ROBO4: variants seen among roughly 807,000 people sequenced by gnomAD.
ROBO4 encodes the protein roundabout homolog 4.
A neutral mutation model predicts 103.3 loss-of-function variants in ROBO4; 80 were observed. The ratio of observed to expected loss-of-function variants is 0.77; its 90% CI spans 0.65 to 0.93. The LOEUF is 0.93. Ranked by LOEUF, ROBO4 falls within the 40% of genes least tolerant of loss-of-function variation. The pLI is 0.00. For synonymous variants in ROBO4, 504 were observed against 529.7 expected (o/e 0.95, Z 0.67); for missense variants, 1,333 against 1,305.3 (o/e 1.02, Z -0.33).
rs1269258979 is a variant in ROBO4, at chr11:124,897,739, G to A, written c.57C>T (p.Leu19=). ...LGGRGSLPLL[L]LLIMGGMAQD... ...AGAGCAACTCACCCATGATGAGCAGGAGCAGCAGAGGCAGGGAACCCCTGC... is the reference window on the plus strand; with the variant it reads ...AGAGCAACTCACCCATGATGAGCAGAAGCAGCAGAGGCAGGGAACCCCTGC... The change falls in exon 1 of 18, where the codon CTC becomes CTT. Residue 19 remains leucine, a synonymous_variant. Transcript: ENST00000306534. 6.2e-7 allele frequency: 1 copy of A among 1,614,046 alleles called. No homozygotes were observed. Among genetic ancestry groups the A allele is most frequent in the Non-Finnish European group, 8.5e-7 (1 of 1,179,972 alleles).
At chr11:124,897,287 A>G in intron 1 of ROBO4, 26 bp from the exon 2 acceptor site, 1 of 1,411,914 alleles carries the variant, frequency 7.1e-7, no homozygotes, top group Non-Finnish European at 9.3e-7. Flanking sequence ...AGCAGAGCCC[A>G]GTCTGATCAC....
In ROBO4 at chr11:124,896,951, G is replaced by A. The variant is rs780079566; in HGVS notation, c.381C>T (p.Gly127=). 2.5e-5 allele frequency: 41 copies of A among 1,612,974 alleles called. No homozygotes were observed. In the Admixed American group the frequency reaches 3.5e-4, roughly 14 times the overall value. Residue 127 remains glycine (G), a synonymous_variant, in exon 2 of 18, where the codon GGC becomes GGT. Coordinates refer to ENST00000306534, the MANE Select transcript of ROBO4 (RefSeq NM_019055.6). ...SNRLGTAVSR[G]ARLSVAVLRE... is the part of the protein sequence containing the mutation. ...CCTCACCAGCCACAGACAGCCGAGCGCCTCTGCTGACTGCCGTGCCAAGCC... is the reference window on the plus strand; with the variant it reads ...CCTCACCAGCCACAGACAGCCGAGCACCTCTGCTGACTGCCGTGCCAAGCC...
intron 2 of ROBO4, 97 bp from the exon 3 acceptor site, chr11:124,896,767 C>T: frequency 6.6e-7 from 1 of 1,518,980 alleles, no homozygotes. Context: ...CCTTCCTGGC[C>T]TCCCATTTAG....
At chr11:124,892,664 G>C (rs545745690) in intron 10 of ROBO4, 1 of 153,706 alleles carries the variant, frequency 6.5e-6, no homozygotes, top group African/African-American at 2.4e-5. Flanking sequence ...CTGCTTCTGC[G>C]TGGCCAATAC....
At position 124,897,015 on chromosome 11, in the gene ROBO4, G is replaced by T. The variant is rs760400506; in HGVS notation, c.317C>A (p.Ser106Tyr). The T allele has an allele frequency of 6.2e-7, 1 of 1,614,110 alleles. No individual in the cohort carries two copies. The highest frequency in any genetic ancestry group is 1.1e-5 in the South Asian group (1 of 91,058). Residue 106 changes from serine (S) to tyrosine (Y), a missense_variant, in exon 2 of 18, where the codon TCC (serine) becomes TAC (tyrosine). Physicochemically the swap from Ser to Tyr is moderately radical, Grantham distance 144. Transcript: ENST00000306534. Reference protein sequence around the residue: ...RGHAHDGQALSTDLGVYTCEA... With the variant: ...RGHAHDGQALYTDLGVYTCEA... Reference sequence around the variant, plus strand: ...ACATGTGTAGACACCCAGGTCTGTGGACAGGGCCTGGCCATCGTGGGCATG... The same window carrying T: ...ACATGTGTAGACACCCAGGTCTGTGTACAGGGCCTGGCCATCGTGGGCATG...
chr11:124,896,016 C>T, intron 4 of ROBO4, 104 bp from the exon 5 acceptor site: 1 of 1,554,216 alleles, frequency 6.4e-7, no homozygotes, highest in Non-Finnish European at 8.7e-7. Context: ...ACCCAAACTC[C>T]CAGAGTCTCC....
chr11:124,893,826 C>T (rs1348215758), intron 9 of ROBO4, 34 bp downstream of exon 9: 3 of 1,612,794 alleles, frequency 1.9e-6, no homozygotes, highest in East Asian at 2.2e-5. Flanking sequence ...GCTGAGGAGG[C>T]CTGTATACAT....
At position 124,892,293 on chromosome 11, in the gene ROBO4, C is replaced by T. The variant is rs1946812383; in HGVS notation, c.1548-491G>A. Reference sequence around the variant, plus strand: ...CAGCTGGCAGAGCAGGAGCTTGCTCCATGGATATTGGCCTCTGGCTGCCTG... The same window carrying T: ...CAGCTGGCAGAGCAGGAGCTTGCTCTATGGATATTGGCCTCTGGCTGCCTG... On this transcript the variant is annotated intron_variant, in intron 10 of 17. Coordinates refer to ENST00000306534, the MANE Select transcript of ROBO4 (RefSeq NM_019055.6). 2.1e-5 allele frequency: 7 copies of T among 334,580 alleles called. No individual in the cohort carries two copies. The Admixed American group carries it at 2.8e-4, about 13-fold the overall frequency. 20.7% of individuals were successfully genotyped at this position (334,580 alleles called of 1,614,324 possible).
rs902803325 is a variant in ROBO4 at position 124,887,578 on chromosome 11, G to A, written c.2057-79C>T. The A allele has an allele frequency of 4.4e-6, 7 of 1,582,522 alleles. No individual in the cohort carries two copies. In the South Asian group the frequency reaches 4.6e-5, roughly 10 times the overall value. On this transcript the variant is annotated intron_variant, in intron 13 of 17. Transcript: ENST00000306534. Reference sequence around the variant, plus strand: ...GCTCAGCCTGCCGGCCTGCCCACCAGCCCCCTTAGCTACCTGTCCACTACT... The same window carrying A: ...GCTCAGCCTGCCGGCCTGCCCACCAACCCCCTTAGCTACCTGTCCACTACT...
intron 12 of ROBO4, among the ~76,000 whole-genome samples, chr11:124,889,005 A>G (rs1251839099): frequency 6.6e-6 from 1 of 152,188 alleles, no homozygotes; most frequent in Non-Finnish European, 1.5e-5. Flanking sequence ...AGTCAGTCAC[A>G]TATCAGAGAT....
In ROBO4 at chr11:124,894,700, G is replaced by T. The variant is rs1199210632; in HGVS notation, c.1150-331C>A. Among the ~76,000 whole-genome samples the T allele has an allele frequency of 2.0e-5, 3 of 152,232 alleles. No homozygotes were observed. In the East Asian group the frequency reaches 5.8e-4, roughly 29 times the overall value. ...TTCTGATTTATGAGGCCTGGGAAAG[G>T]ATCTGAGGGTTTGTATTCCTAACAA... On this transcript the variant is annotated intron_variant, in intron 7 of 17. Coordinates refer to ENST00000306534, the MANE Select transcript of ROBO4 (RefSeq NM_019055.6).
intron 17 of ROBO4, 41 bp from the exon 18 acceptor site, chr11:124,884,954 C>T: frequency 6.2e-7 from 1 of 1,614,176 alleles, no homozygotes; most frequent in Non-Finnish European, 8.5e-7. Flanking sequence ...CCTTATCTCC[C>T]TTCCCCAGTG....
intron 13 of ROBO4, 36 bp downstream of exon 13, chr11:124,887,697 C>T (rs776228624): frequency 1.9e-6 from 3 of 1,597,968 alleles, no homozygotes; most frequent in Admixed American, 1.7e-5. Flanking sequence ...CACCCTATCT[C>T]ACCCCTTCAC....
intron 16 of ROBO4, 170 bp downstream of exon 16, chr11:124,886,294 A>C (rs1946710187): frequency 1.7e-6 from 1 of 592,534 alleles, no homozygotes; most frequent in African/African-American, 1.9e-5. Flanking sequence ...AGAGATAAAG[A>C]ATATTCCACA....
At chr11:124,893,251 T>C (rs1483900416) in intron 10 of ROBO4, among the ~76,000 whole-genome samples, 1 of 152,208 alleles carries the variant, frequency 6.6e-6, no homozygotes, top group Non-Finnish European at 1.5e-5. Context: ...GAATCTATGA[T>C]GTAGGCACTG....
At chr11:124,896,025 C>T (rs2135379650) in intron 4 of ROBO4, 113 bp from the exon 5 acceptor site, 8 of 1,545,806 alleles carry the variant, frequency 5.2e-6, no homozygotes, top group Middle Eastern at 4.5e-4. Context: ...CCCAGAGTCT[C>T]CAGGTCTTGA....
Position 124,891,526 on chromosome 11 carries a change from AG to A in ROBO4, c.1720del (p.Leu574CysfsTer100), listed in dbSNP as rs755477308. 6 of 1,614,216 alleles carry A rather than the reference AG, an allele frequency of 3.7e-6. No homozygotes were observed. The highest frequency in any genetic ancestry group is 5.1e-6 in the Non-Finnish European group (6 of 1,180,036). On this transcript the variant is annotated frameshift_variant, in exon 12 of 18. Transcript: ENST00000306534. LOFTEE classifies it high-confidence loss of function. ...SWDSRSPGVPLLPDTSTFYGS... is the reference protein window; with the variant it reads ...SWDSRSPGVPXLPDTSTFYGS... The stretch of plus-strand genomic sequence containing the variant: ...ATAAAAAGTGCTGGTGTCTGGAAGC[AG>A]GGGCACGCCGGGGCTTCGGGAGTCC...
In ROBO4 at chr11:124,895,583, C is replaced by T. The variant is rs150172645; in HGVS notation, c.910G>A (p.Gly304Ser). The T allele has an allele frequency of 2.3e-5, 37 of 1,613,358 alleles. No homozygotes were observed. The highest frequency in any genetic ancestry group is 2.7e-5 in the Non-Finnish European group (32 of 1,180,042). Reference sequence around the variant, plus strand: ...CCTCCAAGCTCTGCGCTCTGCCAGCCGGCCAGCAGCTCCTCTGCCCACGGA... The same window carrying T: ...CCTCCAAGCTCTGCGCTCTGCCAGCTGGCCAGCAGCTCCTCTGCCCACGGA... The part of the protein sequence containing the change: ...GAPWAEELLA[G>S]WQSAELGGLH... Residue 304 changes from glycine (G) to serine (S), a missense_variant, in exon 6 of 18, where the codon GGC becomes AGC. Coordinates refer to ENST00000306534, the MANE Select transcript of ROBO4 (RefSeq NM_019055.6).
chr11:124,887,024 C>A lies in ROBO4; in HGVS notation c.2388G>T (p.Glu796Asp), dbSNP rs1460918087. 1 of 1,614,024 alleles carries A rather than the reference C, an allele frequency of 6.2e-7. No homozygotes were observed. The highest frequency in any genetic ancestry group is 1.1e-5 in the South Asian group (1 of 91,084). ...GEDQDSVLTP[E>D]EVALCLELSE... The stretch of plus-strand genomic sequence containing the variant: ...TGAGTTCCAAGCACAGGGCTACCTC[C>A]TCAGGGGTCAGCACGCTGTCTTGAT... The change falls in exon 15 of 18, where the codon GAG (glutamate) becomes GAT (aspartate). Residue 796 changes from glutamate to aspartate, a missense_variant. Physicochemically the swap from Glu to Asp is conservative, Grantham distance 45. Transcript: ENST00000306534.
Sources: allele counts gnomAD v4.1 joint callset (sites outside exome capture counted in the v4.1 genomes callset), GRCh38; gene constraint gnomAD v4.1.1; transcripts MANE v1.5; gene names NCBI Gene and HGNC (gene_info 2026-07-23, HGNC 2026-07-21).